ZNF625: variants seen among roughly 807,000 people sequenced by gnomAD.
ZNF625 encodes zinc finger protein 625.
A neutral mutation model predicts 11.1 loss-of-function variants in ZNF625; 8 were observed. The observed-to-expected ratio is 0.72, with a 90% CI of 0.42 to 1.30. The LOEUF (loss-of-function observed/expected upper bound fraction) is 1.30, where lower values mean the gene tolerates loss of function less well. Ranked by LOEUF, ZNF625 falls within the 50% of genes most tolerant of loss-of-function variation. The pLI, the probability that ZNF625 is intolerant of heterozygous loss-of-function variation, is 0.01. For synonymous variants in ZNF625, 145 were observed against 153.4 expected (o/e 0.95, Z 0.41); for missense variants, 349 against 447.6 (o/e 0.78, Z 1.99).
In ZNF625 at chr19:12,145,801, C is replaced by T; in HGVS notation, c.615G>A (p.Leu205=). The T allele has an allele frequency of 6.2e-7, 1 of 1,614,124 alleles. No individual in the cohort carries two copies. The highest frequency in any genetic ancestry group is 8.5e-7 in the Non-Finnish European group (1 of 1,179,990). Reference sequence around the variant, plus strand: ...TGTGAGTTCGTTTGTGGATAAGATACAAACTGAGACACATCAAGGCTTTCC... The same window carrying T: ...TGTGAGTTCGTTTGTGGATAAGATATAAACTGAGACACATCAAGGCTTTCC... ...FCGKALMCLS[L]YLIHKRTHTG... Residue 205 remains leucine (L), a synonymous_variant, in exon 4 of 4, where the codon TTG becomes TTA. Transcript: ENST00000439556.
chr19:12,147,192 C>T (rs969759088), intron 3 of ZNF625, among the ~76,000 whole-genome samples: 3 of 152,110 alleles, frequency 2.0e-5, no homozygotes, highest in South Asian at 2.1e-4. Context: ...TGGTTTCGAT[C>T]TCCTGACCTC....
intron 1 of ZNF625, among the ~76,000 whole-genome samples, chr19:12,154,678 A>C (rs1426207000): frequency 6.6e-6 from 1 of 152,206 alleles, no homozygotes; most frequent in Admixed American, 6.5e-5. Flanking sequence ...CCAATAAAGT[A>C]TTTTTTGATT....
Position 12,147,716 on chromosome 19 carries a change from T to C in ZNF625, c.90A>G (p.Arg30=), listed in dbSNP as rs376967017. 6.2e-7 allele frequency: 1 copy of C among 1,614,058 alleles called. No individual in the cohort carries two copies. Residue 30 remains arginine (R), a synonymous_variant, in exon 2 of 4, where the codon AGA becomes AGG. Transcript: ENST00000439556. ...LLDPSQKNLY[R]DVMQETFRNL... is the part of the protein sequence containing the mutation. ...TCCTGAAGGTTTCCTGCATCACATC[T>C]CTGTAGAGATTCTTCTGGGAAGGAT... is the stretch of plus-strand genomic sequence containing the variant.
intron 1 of ZNF625, among the ~76,000 whole-genome samples, chr19:12,153,277 G>A (rs1034787076): frequency 3.3e-5 from 5 of 151,578 alleles, no homozygotes; most frequent in East Asian, 1.9e-4. Flanking sequence ...CTTGAACTTC[G>A]GGGGAGAAGT....
intron 1 of ZNF625, among the ~76,000 whole-genome samples, chr19:12,150,405 C>T (rs1386350254): frequency 6.6e-6 from 1 of 152,146 alleles, no homozygotes; most frequent in Non-Finnish European, 1.5e-5. Flanking sequence ...TTCAGAGAAA[C>T]CCCACCCTGG....
At position 12,147,910 on chromosome 19, in the gene ZNF625, T is replaced by C. The variant is rs932630142; in HGVS notation, c.4-108A>G. The C allele has an allele frequency of 5.1e-6, 7 of 1,367,160 alleles. No individual in the cohort carries two copies. The South Asian group carries it at 6.3e-5, about 12-fold the overall frequency. The allele number at this position is 1,367,160 out of a possible 1,614,324, so 84.7% of individuals were successfully genotyped here. A position where few individuals can be genotyped will look rare whatever the true frequency, so the allele number is the denominator to read the frequency against. ...TGGTGCTATGGACTCCAAACATTTA[T>C]TCCATGATCTGGTCATCAGACTTTT... On this transcript the variant is annotated intron_variant, in intron 1 of 3. Coordinates refer to ENST00000439556, the MANE Select transcript of ZNF625 (RefSeq NM_145233.4).
chr19:12,153,575 T>G (rs921462871), intron 1 of ZNF625, among the ~76,000 whole-genome samples: 1 of 150,356 alleles, frequency 6.7e-6, no homozygotes, highest in African/African-American at 2.4e-5. Flanking sequence ...TTCCAGCTAC[T>G]TGGGAGGCTG....
intron 3 of ZNF625, among the ~76,000 whole-genome samples, chr19:12,147,188 C>T (rs1035292811): frequency 2.6e-4 from 39 of 152,050 alleles, no homozygotes; most frequent in African/African-American, 6.0e-4. Context: ...AGGATGGTTT[C>T]GATCTCCTGA....
chr19:12,150,031 G>A (rs56296578), intron 1 of ZNF625, among the ~76,000 whole-genome samples: 6 of 152,138 alleles, frequency 3.9e-5, no homozygotes, highest in African/African-American at 9.7e-5. Flanking sequence ...GAGCCACCAC[G>A]CCCGGCCCGA....
chr19:12,146,312 A>C (rs1385535576), intron 3 of ZNF625, 88 bp from the exon 4 acceptor site: 19 of 1,253,400 alleles, frequency 1.5e-5, no homozygotes, highest in Non-Finnish European at 1.9e-5. Flanking sequence ...TATTTCTAAC[A>C]CTGTACAGCA....
intron 3 of ZNF625, among the ~76,000 whole-genome samples, chr19:12,146,809 C>T (rs1976880400): frequency 6.6e-6 from 1 of 152,094 alleles, no homozygotes; most frequent in South Asian, 2.1e-4. Context: ...CAGGGTCTTG[C>T]CCTTTAACCC....
chr19:12,156,168 G>T (rs1312441666), intron 1 of ZNF625, among the ~76,000 whole-genome samples: 2 of 152,144 alleles, frequency 1.3e-5, no homozygotes, highest in Non-Finnish European at 2.9e-5. Flanking sequence ...AGGAAAAAAG[G>T]GGGGACTGGG....
chr19:12,151,330 C>G (rs1185877894), intron 1 of ZNF625, among the ~76,000 whole-genome samples: 1 of 151,320 alleles, frequency 6.6e-6, no homozygotes, highest in Non-Finnish European at 1.5e-5. Flanking sequence ...CCCACCACAG[C>G]CTTCTGAGTA....
chr19:12,147,635 G>C (rs1976895727), intron 2 of ZNF625, 41 bp downstream of exon 2: 2 of 1,612,924 alleles, frequency 1.2e-6, no homozygotes, highest in Admixed American at 3.4e-5. Flanking sequence ...AGAAACACTT[G>C]TTCTCTAATT....
At position 12,145,560 on chromosome 19, in the gene ZNF625, A is replaced by G; in HGVS notation, c.856T>C (p.Ser286Pro). ...TCATGATATCGAACGGAATTGAAAG[A>G]AACAAAGGCTTTCCCACACTGTTTA... ...ECKQCGKAFV[S>P]FNSVRYHERT... The change falls in exon 4 of 4, where the codon TCT becomes CCT. Residue 286 changes from serine to proline, a missense_variant. Physicochemically the swap from Ser to Pro is moderately conservative, Grantham distance 74. Transcript: ENST00000439556. 1.9e-6 allele frequency: 3 copies of G among 1,608,028 alleles called. No homozygotes were observed. Among genetic ancestry groups the G allele is most frequent in the Non-Finnish European group, 2.6e-6 (3 of 1,174,660 alleles).
In ZNF625 at chr19:12,146,199, C is replaced by G. The variant is rs759701077; in HGVS notation, c.217G>C (p.Glu73Gln). ...LRGLMGERLL[E>Q]SKKDHQHGEI... Reference sequence around the variant, plus strand: ...CCATGCTGATGATCTTTCTTACTTTCTAAGAGTCTCTCTCCCATAAGACCT... The same window carrying G: ...CCATGCTGATGATCTTTCTTACTTTGTAAGAGTCTCTCTCCCATAAGACCT... The change falls in exon 4 of 4, where the codon GAA (glutamate) becomes CAA (glutamine). Residue 73 changes from glutamate (E) to glutamine (Q), a missense_variant. Coordinates refer to ENST00000439556, the MANE Select transcript of ZNF625 (RefSeq NM_145233.4). The G allele has an allele frequency of 6.2e-7, 1 of 1,613,978 alleles. No individual in the cohort carries two copies. Among genetic ancestry groups the G allele is most frequent in the South Asian group, 1.1e-5 (1 of 91,068 alleles).
intron 2 of ZNF625, 65 bp downstream of exon 2, chr19:12,147,611 A>G (rs1976895281): frequency 1.4e-5 from 22 of 1,609,496 alleles, no homozygotes; most frequent in Non-Finnish European, 1.9e-5. Context: ...ATCACTCAAC[A>G]CTACTGACAA....
At chr19:12,152,376 C>T (rs1976967857) in intron 1 of ZNF625, among the ~76,000 whole-genome samples, 1 of 152,072 alleles carries the variant, frequency 6.6e-6, no homozygotes, top group Non-Finnish European at 1.5e-5. Context: ...AATCCTATAA[C>T]AATATCATAC....
chr19:12,145,691 G>A lies in ZNF625; in HGVS notation c.725C>T (p.Thr242Ile), dbSNP rs761099944. ...GSLRIHERTH[T>I]GEKPYECSEC... ...ACTGCATTCATAAGGCTTCTCTCCA[G>A]TGTGAGTTCTTTCATGTATTCGAAG... Residue 242 changes from threonine (T) to isoleucine (I), a missense_variant, in exon 4 of 4, where the codon ACT becomes ATT. Transcript: ENST00000439556. The A allele has an allele frequency of 3.7e-6, 6 of 1,614,160 alleles. No homozygotes were observed. The highest frequency in any genetic ancestry group is 5.1e-6 in the Non-Finnish European group (6 of 1,180,038).
Sources: allele counts gnomAD v4.1 joint callset (sites outside exome capture counted in the v4.1 genomes callset), GRCh38; gene constraint gnomAD v4.1.1; transcripts MANE v1.5; gene names NCBI Gene and HGNC (gene_info 2026-07-23, HGNC 2026-07-21).